Variants in CARMIL1 observed in about 807,000 individuals in gnomAD.
CARMIL1 encodes F-actin-uncapping protein LRRC16A.
A neutral mutation model predicts 177.1 loss-of-function variants in CARMIL1; 90 were observed. The ratio of observed to expected loss-of-function variants is 0.51; its 90% CI spans 0.43 to 0.61. The LOEUF (loss-of-function observed/expected upper bound fraction) is 0.61, where lower values mean the gene tolerates loss of function less well. CARMIL1 is among the 20% of genes least tolerant of loss of function. The pLI, the probability that CARMIL1 is intolerant of heterozygous loss-of-function variation, is 0.00. For synonymous variants in CARMIL1, 577 were observed against 606.2 expected, an observed-to-expected ratio of 0.95 and a Z score of 0.71; for missense variants, 1,380 against 1,667.0, an observed-to-expected ratio of 0.83 and a Z score of 3.00.
chr6:25,375,949 C>T (rs1790928208), intron 2 of CARMIL1, among the ~76,000 whole-genome samples: 1 of 152,150 alleles, frequency 6.6e-6, no homozygotes, highest in African/African-American at 2.4e-5. Flanking sequence ...CCTTGAACAG[C>T]TTTAATAGTC....
chr6:25,491,899 C>T, intron 14 of CARMIL1, 49 bp from the exon 15 acceptor site: 1 of 1,584,020 alleles, frequency 6.3e-7, no homozygotes, highest in Non-Finnish European at 8.7e-7. Flanking sequence ...AAAAGATTCT[C>T]CTGGACCTAG....
At chr6:25,446,795 A>G (rs1798278621) in intron 5 of CARMIL1, among the ~76,000 whole-genome samples, 3 of 152,212 alleles carry the variant, frequency 2.0e-5, no homozygotes, top group South Asian at 2.1e-4. Context: ...ATGTGCGACT[A>G]TTCCTTTTAC....
rs1320612364 is a variant in CARMIL1, at chr6:25,553,919, GT to G, written c.2505-88del. 21 of 781,786 alleles carry G rather than the reference GT, an allele frequency of 2.7e-5. No homozygotes were observed. The Admixed American group carries it at 2.8e-4, about 11-fold the overall frequency. 48.4% of individuals were successfully genotyped at this position (781,786 alleles called of 1,614,324 possible). A position where few individuals can be genotyped will look rare whatever the true frequency, so the allele number is the denominator to read the frequency against. On this transcript the variant is annotated intron_variant, in intron 27 of 36. Coordinates refer to ENST00000329474, the MANE Select transcript of CARMIL1 (RefSeq NM_017640.6). ...TTTCAAAGACAGAAATGGAATCACA[GT>G]TGACCTTATCACTATAGCAGCAAGG...
At chr6:25,296,825 TAA>T (rs1782396983) in intron 2 of CARMIL1, among the ~76,000 whole-genome samples, 1 of 152,240 alleles carries the variant, frequency 6.6e-6, no homozygotes, top group African/African-American at 2.4e-5. Context: ...TGTTTTTTGC[TAA>T]GTCTTGGGCA....
intron 16 of CARMIL1, among the ~76,000 whole-genome samples, chr6:25,497,568 AG>A (rs2151013298): frequency 6.6e-6 from 1 of 152,244 alleles, no homozygotes; most frequent in African/African-American, 2.4e-5. Flanking sequence ...AAGAACCCAG[AG>A]GGGGTTCTGG....
intron 20 of CARMIL1, 124 bp downstream of exon 20, chr6:25,510,886 C>CT: frequency 3.2e-6 from 2 of 628,616 alleles, no homozygotes; most frequent in Non-Finnish European, 5.4e-6. Flanking sequence ...TTTTCCATTA[C>CT]TTTTTAAAAA....
At chr6:25,569,294 T>A (rs111984286) in intron 29 of CARMIL1, among the ~76,000 whole-genome samples, 5 of 152,290 alleles carry the variant, frequency 3.3e-5, no homozygotes, top group African/African-American at 9.6e-5. Context: ...ATGATGAAAA[T>A]CTTGGTTTCC....
intron 29 of CARMIL1, among the ~76,000 whole-genome samples, chr6:25,561,884 CAG>C (rs1463853688): frequency 6.6e-6 from 1 of 152,088 alleles, no homozygotes; most frequent in East Asian, 1.9e-4. Flanking sequence ...CTTTTGAAAA[CAG>C]AGTTAACTTT....
At chr6:25,457,420 G>C (rs572498104) in intron 8 of CARMIL1, among the ~76,000 whole-genome samples, 60 of 152,194 alleles carry the variant, frequency 3.9e-4, no homozygotes, top group Admixed American at 5.9e-4. Context: ...ACTGTTTTAG[G>C]TATTTACATC....
At chr6:25,602,293 A>G (rs1253605610) in intron 33 of CARMIL1, among the ~76,000 whole-genome samples, 1 of 152,246 alleles carries the variant, frequency 6.6e-6, no homozygotes, top group Non-Finnish European at 1.5e-5. Flanking sequence ...AGAATTCTGG[A>G]TAATACTACA....
At chr6:25,490,613 G>T (rs1223403216) in intron 13 of CARMIL1, among the ~76,000 whole-genome samples, 1 of 152,016 alleles carries the variant, frequency 6.6e-6, no homozygotes, top group Non-Finnish European at 1.5e-5. Flanking sequence ...CGGGAGGATG[G>T]CTTGATGCCG....
At chr6:25,404,929 T>TGAGGCACGGCGGAG (rs1794233752) in intron 2 of CARMIL1, among the ~76,000 whole-genome samples, 2 of 152,002 alleles carry the variant, frequency 1.3e-5, no homozygotes, top group Non-Finnish European at 2.9e-5. Flanking sequence ...TGGTTCCCAC[T>TGAGGCACGGCGGAG]GAGGCACGGC....
At position 25,279,556 on chromosome 6, in the gene CARMIL1, A is replaced by C; in HGVS notation, c.-240A>C. The C allele has an allele frequency of 3.5e-6, 2 of 568,746 alleles. No homozygotes were observed. Among genetic ancestry groups the C allele is most frequent in the Non-Finnish European group, 6.3e-6 (2 of 317,506 alleles). The allele number at this position is 568,746 out of a possible 1,614,324, so 35.2% of individuals were successfully genotyped here. ...TCCGCTCCTTATTCAGCCGCCGGGA[A>C]CTGCGAGGAGGCGTCATGTAGCAGC... is the stretch of plus-strand genomic sequence containing the variant. On this transcript the variant is annotated 5_prime_UTR_variant, in exon 1 of 37. Coordinates refer to ENST00000329474, the MANE Select transcript of CARMIL1 (RefSeq NM_017640.6).
chr6:25,522,896 A>T (rs2151083127), intron 23 of CARMIL1, among the ~76,000 whole-genome samples: 1 of 152,264 alleles, frequency 6.6e-6, no homozygotes. Context: ...TGCAGCCTCA[A>T]CCACCTGTGC....
chr6:25,509,633 G>A lies in CARMIL1; in HGVS notation c.1396-23G>A. ...TCCAGTAGAGTGAAGACTTTACTTT[G>A]TGTTTGGTTTGTGTTTCTCTAGCTG... On this transcript the variant is annotated intron_variant, in intron 17 of 36. Transcript: ENST00000329474. The surrounding 1 kb of genome is among the most constrained non-coding windows in gnomAD (Gnocchi z 4.1). The A allele has an allele frequency of 6.5e-7, 1 of 1,539,304 alleles. No individual in the cohort carries two copies. The highest frequency in any genetic ancestry group is 1.8e-5 in the Admixed American group (1 of 55,960).
At chr6:25,295,774 G>C (rs1782329902) in intron 2 of CARMIL1, among the ~76,000 whole-genome samples, 1 of 152,206 alleles carries the variant, frequency 6.6e-6, no homozygotes, top group Non-Finnish European at 1.5e-5. Flanking sequence ...AGAAAGTCCT[G>C]TGACTTCACT....
At chr6:25,336,522 G>T (rs2150306073) in intron 2 of CARMIL1, among the ~76,000 whole-genome samples, 1 of 152,222 alleles carries the variant, frequency 6.6e-6, no homozygotes, top group East Asian at 1.9e-4. Flanking sequence ...TAACTTCTTT[G>T]GGCTTCAGCT....
chr6:25,390,247 T>A (rs1470985638), intron 2 of CARMIL1, among the ~76,000 whole-genome samples: 1 of 149,044 alleles, frequency 6.7e-6, no homozygotes, highest in African/African-American at 2.4e-5. Flanking sequence ...GGTAATTTTT[T>A]AAAAATAATT....
chr6:25,412,755 T>C (rs1795027845), intron 2 of CARMIL1, among the ~76,000 whole-genome samples: 1 of 152,108 alleles, frequency 6.6e-6, no homozygotes, highest in Non-Finnish European at 1.5e-5. Flanking sequence ...GCCATAAAAC[T>C]CTATGTGGGG....
Sources: allele counts gnomAD v4.1 joint callset (sites outside exome capture counted in the v4.1 genomes callset), GRCh38; gene constraint gnomAD v4.1.1; non-coding constraint Gnocchi (gnomAD v3.1); transcripts MANE v1.5; gene names NCBI Gene and HGNC (gene_info 2026-07-23, HGNC 2026-07-21).